The following ZNF652 variants were observed in gnomAD, a reference collection of about 807,000 sequenced individuals.
The protein encoded by ZNF652 is zinc finger protein 652.
In ZNF652, 16 loss-of-function variants were observed where a neutral mutation model predicts 45.2. The observed-to-expected ratio is 0.35, with a 90% CI of 0.24 to 0.54. ZNF652 has a LOEUF of 0.54. Among genes scored for constraint, ZNF652 ranks in the 20% least tolerant of loss-of-function variants. The pLI is 0.91. For missense variants in ZNF652, 614 were observed against 765.6 expected, an observed-to-expected ratio of 0.80 and a Z score of 2.34; for synonymous variants, 250 against 260.6, an observed-to-expected ratio of 0.96 and a Z score of 0.39.
rs1251068166 is a variant in ZNF652 at position 49,317,522 on chromosome 17, G to A, written c.204C>T (p.Ser68=). 74 of 1,613,934 alleles carry A rather than the reference G, an allele frequency of 4.6e-5. No homozygotes were observed. The highest frequency in any genetic ancestry group is 5.8e-5 in the Non-Finnish European group (68 of 1,179,980). ...PYSVLVDTKM[S]KPHLHETEEQ... is the part of the protein sequence containing the mutation. ...CTTCTGTTTCATGGAGATGCGGTTT[G>A]CTCATCTTGGTGTCCACTAACACAG... The change falls in exon 2 of 6, where the codon AGC becomes AGT. Residue 68 remains serine, a synonymous_variant. Transcript: ENST00000430262.
rs1200109250 is a variant in ZNF652, at chr17:49,361,896, G to C, written c.-259+13C>G. On this transcript the variant is annotated intron_variant, in intron 1 of 5. Coordinates refer to ENST00000430262, the MANE Select transcript of ZNF652 (RefSeq NM_001145365.3). ...GCGGTGGCGAGTGCGTGGGGGAAGG[G>C]GCCCTTACTCACCCGGGCCGGCCGC... The C allele has an allele frequency of 6.6e-6, 1 of 150,700 alleles. No individual in the cohort carries two copies. Among genetic ancestry groups the C allele is most frequent in the East Asian group, 1.9e-4 (1 of 5,146 alleles). The allele number at this position is 150,700 out of a possible 1,614,324, so 9.3% of individuals were successfully genotyped here.
At chr17:49,311,888 A>T in intron 4 of ZNF652, 39 bp downstream of exon 4, 1 of 1,536,666 alleles carries the variant, frequency 6.5e-7, no homozygotes, top group Admixed American at 1.7e-5. Flanking sequence ...TGCAAACACT[A>T]GCCCCTAGGC....
At chr17:49,339,526 T>C (rs1806404641) in intron 1 of ZNF652, among the ~76,000 whole-genome samples, 1 of 152,068 alleles carries the variant, frequency 6.6e-6, no homozygotes, top group African/African-American at 2.4e-5. Flanking sequence ...CCAGAAATCG[T>C]TGCAACTTTG....
In ZNF652 at chr17:49,352,557, G is replaced by C. The variant is rs145500276; in HGVS notation, c.-259+9352C>G. Among the ~76,000 whole-genome samples, 868 of 152,232 alleles carry C rather than the reference G, an allele frequency of 5.7e-3. 8 individuals are homozygous for C. Among genetic ancestry groups the C allele is most frequent in the African/African-American group, 0.019 (798 of 41,546 alleles). ...GTAGAATTTTTATGTCTTTCCAGTA[G>C]GGATGTAGAAACAATTTGGTAATTT... On this transcript the variant is annotated intron_variant, in intron 1 of 5. Transcript: ENST00000430262.
chr17:49,335,669 G>A (rs1004744154), intron 1 of ZNF652, among the ~76,000 whole-genome samples: 15 of 152,068 alleles, frequency 9.9e-5, no homozygotes, highest in Admixed American at 6.5e-4. Flanking sequence ...TGGTTACACT[G>A]TAAAGTGTTA....
chr17:49,305,067 C>T (rs1182922746), intron 5 of ZNF652, among the ~76,000 whole-genome samples: 1 of 152,092 alleles, frequency 6.6e-6, no homozygotes, highest in African/African-American at 2.4e-5. Flanking sequence ...CTGCTCTTCC[C>T]TCTACTATTC....
At chr17:49,352,732 T>G (rs1373296266) in intron 1 of ZNF652, among the ~76,000 whole-genome samples, 1 of 152,184 alleles carries the variant, frequency 6.6e-6, no homozygotes, top group Non-Finnish European at 1.5e-5. Flanking sequence ...AAGCCAAATG[T>G]CCCTCAAATG....
intron 1 of ZNF652, among the ~76,000 whole-genome samples, chr17:49,327,886 G>A (rs1363454497): frequency 6.7e-6 from 1 of 149,934 alleles, no homozygotes; most frequent in Non-Finnish European, 1.5e-5. Context: ...CCAAAGAGTT[G>A]GAATTACAGG....
intron 1 of ZNF652, chr17:49,361,191 A>C (rs2070388687): frequency 6.6e-6 from 1 of 152,194 alleles, no homozygotes; most frequent in Admixed American, 6.6e-5. Context: ...CTTTTCAGAG[A>C]AGGTCTCGAA....
chr17:49,324,399 AT>A (rs139716483), intron 1 of ZNF652, among the ~76,000 whole-genome samples: 10 of 149,646 alleles, frequency 6.7e-5, no homozygotes, highest in Non-Finnish European at 1.0e-4. Context: ...TTTTTATTTT[AT>A]TTTTTTTTTG....
chr17:49,362,148 G>T lies in ZNF652; in HGVS notation c.-498C>A. 1 of 150,750 alleles carries T rather than the reference G, an allele frequency of 6.6e-6. No individual in the cohort carries two copies. Among genetic ancestry groups the T allele is most frequent in the South Asian group, 1.8e-4 (1 of 5,460 alleles). The allele number at this position is 150,750 out of a possible 1,614,324, so 9.3% of individuals were successfully genotyped here. A position where few individuals can be genotyped will look rare whatever the true frequency, so the allele number is the denominator to read the frequency against. ...TCGCGACTCCCTTCCCAGCGCGCGA[G>T]GGCGAGCGGGGCCGGCGGGGCGGGC... On this transcript the variant is annotated 5_prime_UTR_variant, in exon 1 of 6. Transcript: ENST00000430262.
chr17:49,299,408 T>C (rs1015722384), intron 5 of ZNF652, among the ~76,000 whole-genome samples: 1 of 152,108 alleles, frequency 6.6e-6, no homozygotes, highest in Non-Finnish European at 1.5e-5. Context: ...GAGACAGAGT[T>C]TTGCTCCTGT....
intron 1 of ZNF652, among the ~76,000 whole-genome samples, chr17:49,336,798 T>C (rs1196734350): frequency 6.6e-6 from 1 of 151,958 alleles, no homozygotes; most frequent in Non-Finnish European, 1.5e-5. Flanking sequence ...AGCTAGTTTT[T>C]GTATTTTTTT....
intron 1 of ZNF652, among the ~76,000 whole-genome samples, chr17:49,344,518 ATTT>A (rs35027750): frequency 1.0e-4 from 11 of 110,088 alleles, no homozygotes; most frequent in Admixed American, 1.9e-4. Flanking sequence ...TCAAAGCAAA[ATTT>A]TTTTTTTTTT....
At chr17:49,330,866 CA>C (rs2070015539) in intron 1 of ZNF652, among the ~76,000 whole-genome samples, 1 of 150,748 alleles carries the variant, frequency 6.6e-6, no homozygotes, top group Non-Finnish European at 1.5e-5. Flanking sequence ...GCCTGACCAA[CA>C]TGGAGAAACC....
chr17:49,306,642 T>C (rs2069632784), intron 5 of ZNF652, among the ~76,000 whole-genome samples: 1 of 152,192 alleles, frequency 6.6e-6, no homozygotes, highest in Non-Finnish European at 1.5e-5. Flanking sequence ...CATTTCATAA[T>C]ACATGACACT....
intron 1 of ZNF652, among the ~76,000 whole-genome samples, chr17:49,324,542 C>T (rs2069935481): frequency 6.6e-6 from 1 of 150,722 alleles, no homozygotes. Context: ...AGGTGTGTAC[C>T]ATCACATCTT....
intron 1 of ZNF652, among the ~76,000 whole-genome samples, chr17:49,348,130 T>G (rs572437957): frequency 1.3e-5 from 2 of 152,192 alleles, no homozygotes; most frequent in African/African-American, 4.8e-5. Flanking sequence ...AATGACACCA[T>G]GTGGATATAA....
At chr17:49,309,897 A>G (rs955059098) in intron 5 of ZNF652, among the ~76,000 whole-genome samples, 2 of 152,190 alleles carry the variant, frequency 1.3e-5, no homozygotes, top group African/African-American at 4.8e-5. Context: ...AGCCATGGGC[A>G]GAATTTCCTC....
Sources: allele counts gnomAD v4.1 joint callset (sites outside exome capture counted in the v4.1 genomes callset), GRCh38; gene constraint gnomAD v4.1.1; transcripts MANE v1.5; gene names NCBI Gene and HGNC (gene_info 2026-07-23, HGNC 2026-07-21).